The following MRAP2 variants were observed in gnomAD, a reference collection of about 807,000 sequenced individuals.
MRAP2 encodes melanocortin 2 receptor accessory protein 2, also known as melanocortin-2 receptor accessory protein 2.
MRAP2 carries 20 observed loss-of-function variants against 17.4 expected under a neutral mutation model. The observed-to-expected ratio is 1.15, with a 90% confidence interval of 0.81 to 1.67. MRAP2 has a LOEUF of 1.67. MRAP2 is among the 40% of genes most tolerant of loss of function. The pLI, the probability that MRAP2 is intolerant of heterozygous loss-of-function variation, is 0.00. For missense variants in MRAP2, 238 were observed against 240.0 expected, an observed-to-expected ratio of 0.99 and a Z score of 0.05; for synonymous variants, 96 against 88.4, an observed-to-expected ratio of 1.09 and a Z score of -0.48.
chr6:84,058,090 A>G (rs886123654), intron 2 of MRAP2, among the ~76,000 whole-genome samples: 5 of 151,992 alleles, frequency 3.3e-5, no homozygotes, highest in African/African-American at 9.7e-5. Context: ...AGGTCATGCT[A>G]AGGACTTTGT....
chr6:84,088,670 T>C (rs1158046063), intron 3 of MRAP2, among the ~76,000 whole-genome samples: 1 of 152,196 alleles, frequency 6.6e-6, no homozygotes, highest in African/African-American at 2.4e-5. Context: ...GTATGAGTAA[T>C]GATCCTTAGA....
At chr6:84,042,538 C>T (rs543129672) in intron 1 of MRAP2, among the ~76,000 whole-genome samples, 1 of 152,290 alleles carries the variant, frequency 6.6e-6, no homozygotes, top group Non-Finnish European at 1.5e-5. Flanking sequence ...GAAGATGAAC[C>T]AGGTATGCCC....
At chr6:84,138,359 T>C in the MRAP2 span, among the ~76,000 whole-genome samples, 1 of 152,234 alleles carries the variant, frequency 6.6e-6, no homozygotes, top group Non-Finnish European at 1.5e-5. Flanking sequence ...GAGGCAGTTT[T>C]GAAGCCAGTG....
chr6:84,114,179 A>G, the MRAP2 span, among the ~76,000 whole-genome samples: 12 of 152,132 alleles, frequency 7.9e-5, no homozygotes, highest in Non-Finnish European at 1.2e-4. Context: ...GTGTTTTCCA[A>G]CTTGGTTCCA....
the MRAP2 span, chr6:84,126,328 G>A: frequency 7.4e-7 from 1 of 1,348,800 alleles, no homozygotes; most frequent in East Asian, 2.6e-5. Context: ...CAAATTAAAG[G>A]CACTTAAAAG....
intron 1 of MRAP2, among the ~76,000 whole-genome samples, chr6:84,054,953 T>C (rs1331374173): frequency 6.6e-6 from 1 of 152,222 alleles, no homozygotes; most frequent in African/African-American, 2.4e-5. Flanking sequence ...CTTGCAGGTA[T>C]AGGTGCTGAG....
chr6:84,034,501 C>T (rs2099485454), intron 1 of MRAP2, among the ~76,000 whole-genome samples: 1 of 143,548 alleles, frequency 7.0e-6, no homozygotes, highest in South Asian at 2.3e-4. Flanking sequence ...CCCCCGCTCC[C>T]CCCGCCCGCC....
chr6:84,075,980 C>T (rs1295196793), intron 3 of MRAP2, among the ~76,000 whole-genome samples: 3 of 152,024 alleles, frequency 2.0e-5, no homozygotes, highest in Admixed American at 1.3e-4. Context: ...GAAGCCCTGT[C>T]GTTCTGAGGT....
the MRAP2 span, chr6:84,124,882 A>G: frequency 3.4e-6 from 2 of 591,170 alleles, no homozygotes; most frequent in Non-Finnish European, 5.8e-6. Context: ...AATGATTTTT[A>G]GTAAAATACA....
chr6:84,046,652 G>A (rs752841531), intron 1 of MRAP2, among the ~76,000 whole-genome samples: 9 of 151,870 alleles, frequency 5.9e-5, no homozygotes, highest in South Asian at 2.1e-4. Context: ...GTGGTGGCAC[G>A]TGCCTGTTGT....
At chr6:84,066,468 GCA>G (rs1379651039) in intron 3 of MRAP2, among the ~76,000 whole-genome samples, 1 of 152,166 alleles carries the variant, frequency 6.6e-6, no homozygotes, top group African/African-American at 2.4e-5. Flanking sequence ...CATTTGTTTG[GCA>G]GGAGTTTCCT....
At chr6:84,124,971 A>G in the MRAP2 span, 2 of 897,184 alleles carry the variant, frequency 2.2e-6, no homozygotes, top group Non-Finnish European at 3.4e-6. Flanking sequence ...TTCTGGAAAC[A>G]TATTGGAACA....
At chr6:84,040,893 G>A (rs2099487370) in intron 1 of MRAP2, among the ~76,000 whole-genome samples, 1 of 152,234 alleles carries the variant, frequency 6.6e-6, no homozygotes, top group South Asian at 2.1e-4. Flanking sequence ...TTTTCTGGGA[G>A]AAATTCAAGC....
chr6:84,062,969 C>T lies in MRAP2; in HGVS notation c.204C>T (p.Thr68=). 2 of 1,614,050 alleles carry T rather than the reference C, an allele frequency of 1.2e-6. No homozygotes were observed. Among genetic ancestry groups the T allele is most frequent in the South Asian group, 1.1e-5 (1 of 91,076 alleles). The change falls in exon 3 of 4, where the codon ACC becomes ACT. Residue 68 remains threonine, a synonymous_variant. Coordinates refer to ENST00000257776, the MANE Select transcript of MRAP2 (RefSeq NM_138409.4). The stretch of plus-strand genomic sequence containing the variant: ...TGTTTTTTGTGCTGACCTTGCTGAC[C>T]AAGACAGGAGCCCCACACCAAGAGT... The part of the protein sequence containing the change: ...IFMFFVLTLL[T]KTGAPHQDNA...
the MRAP2 span, among the ~76,000 whole-genome samples, chr6:84,135,460 T>C: frequency 6.6e-6 from 1 of 152,198 alleles, no homozygotes; most frequent in Non-Finnish European, 1.5e-5. Context: ...ACAGACTGCT[T>C]CCCAGAGAAG....
Position 84,089,251 on chromosome 6 carries a change from A to G in MRAP2, c.388A>G (p.Lys130Glu). The G allele has an allele frequency of 6.2e-7, 1 of 1,614,202 alleles. No individual in the cohort carries two copies. Among genetic ancestry groups the G allele is most frequent in the Non-Finnish European group, 8.5e-7 (1 of 1,180,040 alleles). The change falls in exon 4 of 4, where the codon AAA (lysine) becomes GAA (glutamate). Residue 130 changes from lysine (K) to glutamate (E), a missense_variant. Lys to Glu is a moderately conservative substitution (Grantham distance 56). Coordinates refer to ENST00000257776, the MANE Select transcript of MRAP2 (RefSeq NM_138409.4). ...INEVERLDRAKACHQTTALDS... is the reference protein window; with the variant it reads ...INEVERLDRAEACHQTTALDS... ...TGAGGTGGAACGCTTGGACAGAGCC[A>G]AAGCTTGTCACCAGACCACAGCCCT...
the MRAP2 span, among the ~76,000 whole-genome samples, chr6:84,140,877 A>T: frequency 6.6e-6 from 1 of 152,100 alleles, no homozygotes; most frequent in African/African-American, 2.4e-5. Context: ...AGCAGTTCCC[A>T]GACTTTTTGG....
At chr6:84,141,881 G>GA in the MRAP2 span, among the ~76,000 whole-genome samples, 1 of 151,984 alleles carries the variant, frequency 6.6e-6, no homozygotes, top group African/African-American at 2.4e-5. Context: ...TGTGCTCAAG[G>GA]AAAAGAAAAA....
At chr6:84,125,908 G>A in the MRAP2 span, among the ~76,000 whole-genome samples, 9 of 152,004 alleles carry the variant, frequency 5.9e-5, no homozygotes, top group Admixed American at 5.2e-4. Context: ...TCAGCACCAA[G>A]GCAAGTGCCT....
Sources: allele counts gnomAD v4.1 joint callset (sites outside exome capture counted in the v4.1 genomes callset), GRCh38; gene constraint gnomAD v4.1.1; transcripts MANE v1.5; gene names NCBI Gene and HGNC (gene_info 2026-07-23, HGNC 2026-07-21).